DPP10: variants seen among roughly 807,000 people sequenced by gnomAD.
DPP10 encodes the protein inactive dipeptidyl peptidase 10.
A neutral mutation model predicts 120.9 loss-of-function variants in DPP10; 33 were observed. That is an observed-to-expected ratio of 0.27 (90% CI 0.21 to 0.37). The LOEUF is 0.37. Among genes scored for constraint, DPP10 ranks in the 10% least tolerant of loss-of-function variants. The probability of loss-of-function intolerance (pLI) is 1.00; values close to 1 mark genes in which losing one functional copy is unlikely to be tolerated. For missense variants in DPP10, 816 were observed against 942.8 expected (o/e 0.87, Z 1.76); for synonymous variants, 337 against 326.1 (o/e 1.03, Z -0.36).
intron 1 of DPP10, among the ~76,000 whole-genome samples, chr2:114,794,213 A>T (rs1683490720): frequency 6.6e-6 from 1 of 152,142 alleles, no homozygotes; most frequent in African/African-American, 2.4e-5. Flanking sequence ...TTTTGTCTAG[A>T]TGTGACTTTT....
intron 1 of DPP10, among the ~76,000 whole-genome samples, chr2:114,850,013 C>T (rs1483728332): frequency 6.7e-6 from 1 of 148,218 alleles, no homozygotes; most frequent in East Asian, 2.0e-4. Context: ...CCTCCCTTCC[C>T]TTCCCTTCCC....
At chr2:114,837,760 T>C (rs753075783) in intron 1 of DPP10, among the ~76,000 whole-genome samples, 9 of 152,180 alleles carry the variant, frequency 5.9e-5, no homozygotes, top group African/African-American at 2.2e-4. Flanking sequence ...CAGGAAATAA[T>C]GTTACCAATG....
chr2:115,102,600 G>C (rs1382453474), intron 1 of DPP10, among the ~76,000 whole-genome samples: 1 of 151,764 alleles, frequency 6.6e-6, no homozygotes, highest in Non-Finnish European at 1.5e-5. Context: ...TAGTAGAGAC[G>C]AGGTTTCACC....
At chr2:115,806,303 T>C (rs1685963890) in intron 19 of DPP10, among the ~76,000 whole-genome samples, 1 of 152,200 alleles carries the variant, frequency 6.6e-6, no homozygotes, top group Non-Finnish European at 1.5e-5. Context: ...CTCAAAAAAC[T>C]GGTGTTATTT....
At chr2:114,633,248 CTTTTTT>C (rs35372708) in intron 1 of DPP10, among the ~76,000 whole-genome samples, 1 of 72,810 alleles carries the variant, frequency 1.4e-5, no homozygotes, top group African/African-American at 7.3e-5. Flanking sequence ...GTTTTTCTTT[CTTTTTT>C]TTTTTTTTTT....
chr2:114,572,892 C>T (rs546091394), intron 1 of DPP10, among the ~76,000 whole-genome samples: 52 of 152,234 alleles, frequency 3.4e-4, no homozygotes, highest in South Asian at 6.2e-4. Context: ...CTACCGTTCT[C>T]GAGAATTTAA....
chr2:115,711,606 A>T (rs2092317880), intron 7 of DPP10, among the ~76,000 whole-genome samples: 1 of 152,114 alleles, frequency 6.6e-6, no homozygotes, highest in Non-Finnish European at 1.5e-5. Context: ...AAAGATGCAC[A>T]GTTGGTAAAT....
Position 114,834,428 on chromosome 2 carries a change from A to G in DPP10, c.60+391590A>G, listed in dbSNP as rs186568498. Among the ~76,000 whole-genome samples, 444 of 151,684 alleles carry G rather than the reference A, an allele frequency of 2.9e-3. 4 individuals carry two copies. The highest frequency in any genetic ancestry group is 0.01 in the African/African-American group (422 of 41,254). On this transcript the variant is annotated intron_variant, in intron 1 of 25. Transcript: ENST00000410059. ...GCCATATCTACACACCTATGTATAT[A>G]TAAGCCATATCTACACACCTATGTA...
At chr2:115,023,222 G>A (rs1356913692) in intron 1 of DPP10, among the ~76,000 whole-genome samples, 1 of 151,976 alleles carries the variant, frequency 6.6e-6, no homozygotes, top group Non-Finnish European at 1.5e-5. Context: ...AACCCACAGA[G>A]TGGGAGAAAA....
chr2:114,642,094 A>G (rs1250140696), intron 1 of DPP10, among the ~76,000 whole-genome samples: 2 of 151,970 alleles, frequency 1.3e-5, no homozygotes, highest in Admixed American at 6.5e-5. Flanking sequence ...GAATTGGTTG[A>G]GAGTTCTGCT....
At chr2:115,696,050 T>C (rs576766259) in intron 7 of DPP10, among the ~76,000 whole-genome samples, 6 of 151,964 alleles carry the variant, frequency 3.9e-5, no homozygotes, top group African/African-American at 1.4e-4. Flanking sequence ...AGTGAAATGA[T>C]TGAGTATTAG....
intron 2 of DPP10, among the ~76,000 whole-genome samples, chr2:115,318,830 C>T (rs2061923422): frequency 6.6e-6 from 1 of 152,076 alleles, no homozygotes; most frequent in South Asian, 2.1e-4. Context: ...CTGAGATTTT[C>T]TATGTATGAG....
intron 3 of DPP10, among the ~76,000 whole-genome samples, chr2:115,489,423 A>G (rs537108548): frequency 6.6e-6 from 1 of 151,942 alleles, no homozygotes; most frequent in African/African-American, 2.4e-5. Context: ...ATGGGAAGGG[A>G]TGTTGAACCC....
chr2:114,600,068 T>TC (rs919912586), intron 1 of DPP10, among the ~76,000 whole-genome samples: 5 of 151,638 alleles, frequency 3.3e-5, no homozygotes, highest in Non-Finnish European at 7.4e-5. Flanking sequence ...AATTTTTTTT[T>TC]CCCAGATCAG....
At chr2:115,533,725 C>A (rs1250603356) in intron 5 of DPP10, among the ~76,000 whole-genome samples, 1 of 151,942 alleles carries the variant, frequency 6.6e-6, no homozygotes, top group African/African-American at 2.4e-5. Flanking sequence ...TCAAAGAAAG[C>A]ACAGTCTGGG....
intron 1 of DPP10, among the ~76,000 whole-genome samples, chr2:115,111,590 G>A (rs971507986): frequency 2.0e-5 from 3 of 152,138 alleles, no homozygotes; most frequent in Admixed American, 6.5e-5. Flanking sequence ...TCTTGGGCAA[G>A]GTGACTCTCG....
At chr2:114,846,024 G>T (rs931077871) in intron 1 of DPP10, among the ~76,000 whole-genome samples, 3 of 151,264 alleles carry the variant, frequency 2.0e-5, no homozygotes, top group African/African-American at 7.3e-5. Context: ...TTTGTATGTT[G>T]GATCTCACTG....
chr2:115,077,789 C>T (rs556004432), intron 1 of DPP10, among the ~76,000 whole-genome samples: 1 of 152,208 alleles, frequency 6.6e-6, no homozygotes, highest in East Asian at 1.9e-4. Context: ...ACTCTAACAT[C>T]TCACCTCCTT....
At chr2:115,303,320 C>A (rs2061225258) in intron 1 of DPP10, among the ~76,000 whole-genome samples, 1 of 151,800 alleles carries the variant, frequency 6.6e-6, no homozygotes, top group South Asian at 2.1e-4. Flanking sequence ...TTGGAAACTC[C>A]TTGAAAGTTA....
Sources: allele counts gnomAD v4.1 joint callset (sites outside exome capture counted in the v4.1 genomes callset), GRCh38; gene constraint gnomAD v4.1.1; transcripts MANE v1.5; gene names NCBI Gene and HGNC (gene_info 2026-07-23, HGNC 2026-07-21).